The following CC2D2A variants were observed in gnomAD, a reference collection of about 807,000 sequenced individuals.
The protein encoded by CC2D2A is coiled-coil and C2 domain-containing protein 2A.
CC2D2A carries 155 observed loss-of-function variants against 212.9 expected under a neutral mutation model. That is an observed-to-expected ratio of 0.73 (90% CI 0.64 to 0.83). The LOEUF is 0.83. CC2D2A is among the 40% of genes least tolerant of loss of function. The pLI is 0.00. For synonymous variants in CC2D2A, 667 were observed against 686.5 expected (o/e 0.97, Z 0.44); for missense variants, 1,856 against 1,956.2 (o/e 0.95, Z 0.97).
intron 30 of CC2D2A, among the ~76,000 whole-genome samples, chr4:15,584,776 G>A (rs559665385): frequency 1.3e-5 from 2 of 152,254 alleles, no homozygotes; most frequent in East Asian, 1.9e-4. Flanking sequence ...TCTAGAATAC[G>A]TAAGGAACTC....
intron 1 of CC2D2A, among the ~76,000 whole-genome samples, chr4:15,472,998 T>C (rs1281051111): frequency 1.3e-5 from 2 of 152,250 alleles, no homozygotes; most frequent in Non-Finnish European, 2.9e-5. Flanking sequence ...TTGTCAGCCA[T>C]ATGCCTGTTG....
intron 1 of CC2D2A, among the ~76,000 whole-genome samples, chr4:15,471,460 A>T (rs1258130094): frequency 6.6e-6 from 1 of 151,998 alleles, no homozygotes; most frequent in Non-Finnish European, 1.5e-5. Context: ...TTCCCTCCTC[A>T]TTCCTTTTTT....
intron 4 of CC2D2A, among the ~76,000 whole-genome samples, chr4:15,485,635 C>T (rs1714954092): frequency 6.6e-6 from 1 of 152,166 alleles, no homozygotes; most frequent in Non-Finnish European, 1.5e-5. Context: ...TTCTTGCCAG[C>T]ATCTGTTTTG....
In CC2D2A at chr4:15,539,485, T is replaced by C. The variant is rs886865848; in HGVS notation, c.2003+1348T>C. Among the ~76,000 whole-genome samples, 3 of 152,310 alleles carry C rather than the reference T, an allele frequency of 2.0e-5. No homozygotes were observed. The South Asian group carries it at 6.2e-4, about 32-fold the overall frequency. On this transcript the variant is annotated intron_variant, in intron 16 of 36. Transcript: ENST00000424120. ...AGTTCATTAAAACGTGGGAGTTAAT[T>C]AGGATGTCATTATAAGACTTCTCAC...
intron 24 of CC2D2A, among the ~76,000 whole-genome samples, chr4:15,565,396 A>C: frequency 8.1e-6 from 1 of 123,798 alleles, no homozygotes. Context: ...TCATCCACAT[A>C]CGGTTTTTTT....
At chr4:15,505,760 A>G (rs1716220718) in intron 6 of CC2D2A, among the ~76,000 whole-genome samples, 1 of 152,246 alleles carries the variant, frequency 6.6e-6, no homozygotes, top group Non-Finnish European at 1.5e-5. Flanking sequence ...TTGTACTTCA[A>G]AGGAAACCAT....
rs746747379 is a variant in CC2D2A, at chr4:15,580,063, A to G, written c.3867A>G (p.Thr1289=). ...LKFPNRQCLT[T]VIDISGKTVF... is the part of the protein sequence containing the mutation. ...TTCCAAATCGTCAGTGCCTTACAAC[A>G]GTAATTGATATAAGCGGAAAAACTG... The change falls in exon 30 of 37, where the codon ACA becomes ACG. Residue 1289 remains threonine, a synonymous_variant. Coordinates refer to ENST00000424120, the MANE Select transcript of CC2D2A (RefSeq NM_001378615.1). 3 of 1,613,876 alleles carry G rather than the reference A, an allele frequency of 1.9e-6. No homozygotes were observed. In the Admixed American group the frequency reaches 5.0e-5, roughly 27 times the overall value.
chr4:15,537,806 G>A (rs1455967631), intron 15 of CC2D2A, 93 bp from the exon 16 acceptor site: 2 of 1,331,054 alleles, frequency 1.5e-6, no homozygotes, highest in Non-Finnish European at 2.1e-6. Context: ...TGGGGCTGGG[G>A]TTTGTATCCA....
chr4:15,517,511 C>G (rs972085336), intron 11 of CC2D2A, among the ~76,000 whole-genome samples: 3 of 152,120 alleles, frequency 2.0e-5, no homozygotes, highest in Non-Finnish European at 4.4e-5. Context: ...CTTGCTCTAC[C>G]ATTCACTGGG....
intron 6 of CC2D2A, among the ~76,000 whole-genome samples, chr4:15,504,401 C>A (rs1431215048): frequency 6.6e-6 from 1 of 152,120 alleles, no homozygotes; most frequent in East Asian, 1.9e-4. Context: ...AGAAAAATAT[C>A]TATAATCCCA....
At chr4:15,470,649 ATCTCTCTCTCTC>A (rs56039505) in intron 1 of CC2D2A, among the ~76,000 whole-genome samples, 15 of 98,610 alleles carry the variant, frequency 1.5e-4, no homozygotes, top group African/African-American at 2.6e-4. Flanking sequence ...CCAGCATGAA[ATCTCTCTCTCTC>A]TCTCTCTCTC....
chr4:15,470,699 A>C (rs62289310), intron 1 of CC2D2A, among the ~76,000 whole-genome samples: 2,894 of 36,122 alleles, frequency 0.08, 35 homozygotes, highest in African/African-American at 0.18. Context: ...CTATATATAT[A>C]TATATATATA....
chr4:15,584,874 G>A (rs1720798676), intron 30 of CC2D2A, among the ~76,000 whole-genome samples: 1 of 152,124 alleles, frequency 6.6e-6, no homozygotes, highest in African/African-American at 2.4e-5. Flanking sequence ...GAAGACAAAT[G>A]TCCAACAAAC....
At chr4:15,585,780 T>C (rs781263600) in intron 30 of CC2D2A, among the ~76,000 whole-genome samples, 2 of 152,192 alleles carry the variant, frequency 1.3e-5, no homozygotes, top group African/African-American at 2.4e-5. Context: ...CATGTCTTGG[T>C]TCCCAAGTAC....
chr4:15,545,571 T>C (rs1162479843), intron 17 of CC2D2A, among the ~76,000 whole-genome samples: 1 of 152,038 alleles, frequency 6.6e-6, no homozygotes. Flanking sequence ...ATTTCTTGCA[T>C]GTTTGTAACC....
At chr4:15,489,668 G>GA (rs1160227588) in intron 4 of CC2D2A, among the ~76,000 whole-genome samples, 25 of 152,196 alleles carry the variant, frequency 1.6e-4, no homozygotes, top group Non-Finnish European at 3.2e-4. Context: ...GTCCTCTCTT[G>GA]AAATCACTCC....
chr4:15,477,773 G>C (rs372240732), intron 2 of CC2D2A, among the ~76,000 whole-genome samples: 1 of 152,132 alleles, frequency 6.6e-6, no homozygotes, highest in Admixed American at 6.5e-5. Flanking sequence ...TCTCTCGTTC[G>C]ACCTCACTTC....
chr4:15,575,586 T>C (rs963069267), intron 29 of CC2D2A, among the ~76,000 whole-genome samples: 2 of 152,224 alleles, frequency 1.3e-5, no homozygotes, highest in African/African-American at 4.8e-5. Flanking sequence ...AACATACTCC[T>C]TTTTTTCCAG....
chr4:15,540,806 A>G, intron 16 of CC2D2A, 31 bp from the exon 17 acceptor site: 2 of 1,570,946 alleles, frequency 1.3e-6, no homozygotes, highest in Non-Finnish European at 1.7e-6. Flanking sequence ...AATTATTACT[A>G]ACTCCACCTG....
Sources: allele counts gnomAD v4.1 joint callset (sites outside exome capture counted in the v4.1 genomes callset), GRCh38; gene constraint gnomAD v4.1.1; transcripts MANE v1.5; gene names NCBI Gene and HGNC (gene_info 2026-07-23, HGNC 2026-07-21).